FNTB: variants seen among roughly 807,000 people sequenced by gnomAD.
FNTB encodes protein farnesyltransferase subunit beta.
In FNTB, 27 loss-of-function variants were observed where a neutral mutation model predicts 59.4. That is an observed-to-expected ratio of 0.45 (90% CI 0.34 to 0.63). The LOEUF (loss-of-function observed/expected upper bound fraction) is 0.63, where lower values mean the gene tolerates loss of function less well. FNTB is among the 20% of genes least tolerant of loss of function. FNTB has a pLI of 0.02. For synonymous variants in FNTB, 230 were observed against 220.7 expected (o/e 1.04, Z -0.37); for missense variants, 449 against 559.6 (o/e 0.80, Z 1.99).
At chr14:65,046,653 G>A (rs1213473301) in intron 9 of FNTB, among the ~76,000 whole-genome samples, 1 of 152,212 alleles carries the variant, frequency 6.6e-6, no homozygotes, top group Non-Finnish European at 1.5e-5. Context: ...ACAGACAGGA[G>A]TCTGTAAAGA....
At chr14:65,051,456 C>T (rs571470855) in intron 9 of FNTB, among the ~76,000 whole-genome samples, 13 of 151,982 alleles carry the variant, frequency 8.6e-5, no homozygotes, top group African/African-American at 2.9e-4. Flanking sequence ...ACTAAAAATA[C>T]AAGAATTAGC....
At chr14:65,013,467 G>T (rs2061716741) in intron 3 of FNTB, among the ~76,000 whole-genome samples, 1 of 152,032 alleles carries the variant, frequency 6.6e-6, no homozygotes, top group Non-Finnish European at 1.5e-5. Context: ...TTCAATCCTT[G>T]ACTCAAGTCC....
chr14:65,040,031 A>G (rs1339253528), intron 7 of FNTB, among the ~76,000 whole-genome samples: 1 of 152,076 alleles, frequency 6.6e-6, no homozygotes, highest in Non-Finnish European at 1.5e-5. Flanking sequence ...TCTACAAAAA[A>G]TACAAAAAAT....
At position 65,011,298 on chromosome 14, in the gene FNTB, A is replaced by G. The variant is rs1047203021; in HGVS notation, c.210-1019A>G. Reference sequence around the variant, plus strand: ...ACAAAAATTAGCTGGGTGTGGTGGCACGTGCCTGTAATCCCAGCTACTCAG... The same window carrying G: ...ACAAAAATTAGCTGGGTGTGGTGGCGCGTGCCTGTAATCCCAGCTACTCAG... On this transcript the variant is annotated intron_variant, in intron 2 of 11. Transcript: ENST00000246166. This position sits in a 1 kb window ranked among gnomAD's most constrained non-coding sequence, Gnocchi z 4.0. Among the ~76,000 whole-genome samples the G allele has an allele frequency of 5.9e-5, 9 of 152,112 alleles. No homozygotes were observed. Among genetic ancestry groups the G allele is most frequent in the African/African-American group, 2.2e-4 (9 of 41,436 alleles).
intron 1 of FNTB, among the ~76,000 whole-genome samples, chr14:64,989,901 G>A (rs1344736717): frequency 6.6e-6 from 1 of 152,128 alleles, no homozygotes; most frequent in Admixed American, 6.5e-5. Context: ...AACACCTTGG[G>A]ATAGAGGGGA....
In FNTB at chr14:65,054,774, C is replaced by T; in HGVS notation, c.1182+85C>T. ...TTCCAAGTAAGCAGAACTGGCTCTG[C>T]ATTTCCTGTGTGGACAGGCGGAAGC... On this transcript the variant is annotated intron_variant, in intron 11 of 11. Coordinates refer to ENST00000246166, the MANE Select transcript of FNTB (RefSeq NM_002028.4). This position sits in a 1 kb window ranked among gnomAD's most constrained non-coding sequence, Gnocchi z 4.4. 1.4e-6 allele frequency: 2 copies of T among 1,424,294 alleles called. No homozygotes were observed. The highest frequency in any genetic ancestry group is 9.6e-7 in the Non-Finnish European group (1 of 1,040,330). 88.2% of individuals were successfully genotyped at this position (1,424,294 alleles called of 1,614,324 possible). A position where few individuals can be genotyped will look rare whatever the true frequency, so the allele number is the denominator to read the frequency against.
Position 65,015,636 on chromosome 14 carries a change from C to T in FNTB, c.294C>T (p.Ala98=), listed in dbSNP as rs1464253967. The T allele has an allele frequency of 6.2e-7, 1 of 1,613,966 alleles. No individual in the cohort carries two copies. Among genetic ancestry groups the T allele is most frequent in the African/African-American group, 1.3e-5 (1 of 74,902 alleles). The change falls in exon 4 of 12, where the codon GCC becomes GCT. Residue 98 remains alanine (A), a synonymous_variant. Coordinates refer to ENST00000246166, the MANE Select transcript of FNTB (RefSeq NM_002028.4). ...QLTDAYECLD[A]SRPWLCYWIL... The stretch of plus-strand genomic sequence containing the variant: ...TGTCTCTCTCCCAGTGTCTGGATGC[C>T]AGCCGCCCATGGCTCTGCTATTGGA...
chr14:64,988,957 T>C (rs1888067850), intron 1 of FNTB, among the ~76,000 whole-genome samples: 1 of 152,134 alleles, frequency 6.6e-6, no homozygotes, highest in Admixed American at 6.5e-5. Context: ...GCTCTCCATA[T>C]GTGGTATCAT....
At chr14:65,004,534 C>T (rs2061552175) in intron 2 of FNTB, among the ~76,000 whole-genome samples, 1 of 152,220 alleles carries the variant, frequency 6.6e-6, no homozygotes, top group East Asian at 1.9e-4. Context: ...CCAGGTGTTA[C>T]ATGGGGATTC....
chr14:64,986,903 T>C lies in FNTB; in HGVS notation c.-51T>C. 2 of 1,608,152 alleles carry C rather than the reference T, an allele frequency of 1.2e-6. No homozygotes were observed. The highest frequency in any genetic ancestry group is 1.7e-6 in the Non-Finnish European group (2 of 1,174,886). On this transcript the variant is annotated 5_prime_UTR_variant, in exon 1 of 12. Transcript: ENST00000246166. ...TAGCCCGCTCGAGTTTCAATGCGCGTTGTTGCTTAACGAAGCAGAGTCCTA... is the reference window on the plus strand; with the variant it reads ...TAGCCCGCTCGAGTTTCAATGCGCGCTGTTGCTTAACGAAGCAGAGTCCTA...
Position 65,047,610 on chromosome 14 carries a change from T to A in FNTB, c.955+3167T>A, listed in dbSNP as rs911051205. Among the ~76,000 whole-genome samples, 1 of 152,162 alleles carries A rather than the reference T, an allele frequency of 6.6e-6. No homozygotes were observed. The highest frequency in any genetic ancestry group is 2.4e-5 in the African/African-American group (1 of 41,438). On this transcript the variant is annotated intron_variant, in intron 9 of 11. Transcript: ENST00000246166. This position sits in a 1 kb window ranked among gnomAD's most constrained non-coding sequence, Gnocchi z 5.2. ...TTTTTTGGAGGGCAGTTTGGAGACA[T>A]CCATTTAAATTATAAGGGCACTTAC... is the stretch of plus-strand genomic sequence containing the variant.
rs1165060965 is a variant in FNTB, at chr14:64,990,828, A to G, written c.144+3731A>G. Among the ~76,000 whole-genome samples the G allele has an allele frequency of 6.6e-6, 1 of 152,108 alleles. No homozygotes were observed. Among genetic ancestry groups the G allele is most frequent in the East Asian group, 1.9e-4 (1 of 5,190 alleles). On this transcript the variant is annotated intron_variant, in intron 1 of 11. Transcript: ENST00000246166. The surrounding 1 kb of genome is among the most constrained non-coding windows in gnomAD (Gnocchi z 5.2). ...AGGCTATTGCAGTATCCTGGGAGAG[A>G]GGTGACGGTGGCTTAGCTCACAGTG...
chr14:65,032,585 G>C lies in FNTB; in HGVS notation c.606-25G>C. On this transcript the variant is annotated intron_variant, in intron 6 of 11. Transcript: ENST00000246166. The surrounding 1 kb of genome is among the most constrained non-coding windows in gnomAD (Gnocchi z 5.0). ...CATTAGCTCTTCCGTAGAGCTTAATGTGTTTCCCGTTTCTGTCTTTCCAGA... is the reference window on the plus strand; with the variant it reads ...CATTAGCTCTTCCGTAGAGCTTAATCTGTTTCCCGTTTCTGTCTTTCCAGA... 1 of 1,611,532 alleles carries C rather than the reference G, an allele frequency of 6.2e-7. No homozygotes were observed. The highest frequency in any genetic ancestry group is 8.5e-7 in the Non-Finnish European group (1 of 1,179,494).
intron 7 of FNTB, among the ~76,000 whole-genome samples, chr14:65,034,016 C>T (rs1170117924): frequency 1.1e-4 from 16 of 152,070 alleles, no homozygotes; most frequent in Non-Finnish European, 1.5e-5. Flanking sequence ...ATGCTGAGAT[C>T]ATGTTTACTT....
chr14:65,048,376 A>C (rs1377310610), intron 9 of FNTB, among the ~76,000 whole-genome samples: 1 of 152,196 alleles, frequency 6.6e-6, no homozygotes, highest in Non-Finnish European at 1.5e-5. Flanking sequence ...TAAATGTACA[A>C]ATACATTTTT....
Position 65,029,417 on chromosome 14 carries a change from A to G in FNTB, c.605+1636A>G. On this transcript the variant is annotated intron_variant, in intron 6 of 11. Coordinates refer to ENST00000246166, the MANE Select transcript of FNTB (RefSeq NM_002028.4). This position sits in a 1 kb window ranked among gnomAD's most constrained non-coding sequence, Gnocchi z 4.7. ...GAGACTAGCTCGCTGCCCTTCTGGG[A>G]TAGACAGCAGTCTCTGGATGATCTT... Among the ~76,000 whole-genome samples the G allele has an allele frequency of 6.6e-6, 1 of 152,204 alleles. No individual in the cohort carries two copies. Among genetic ancestry groups the G allele is most frequent in the Admixed American group, 6.5e-5 (1 of 15,278 alleles).
intron 4 of FNTB, 93 bp downstream of exon 4, chr14:65,015,809 GA>G: frequency 2.1e-6 from 3 of 1,398,224 alleles, no homozygotes; most frequent in South Asian, 2.5e-5. Context: ...GTTTGGAATG[GA>G]AAAAAACAGT....
rs951047779 is a variant in FNTB, at chr14:65,027,708, C to A, written c.532C>A (p.Leu178Ile). 6.2e-7 allele frequency: 1 copy of A among 1,614,094 alleles called. No individual in the cohort carries two copies. Among genetic ancestry groups the A allele is most frequent in the Admixed American group, 1.7e-5 (1 of 60,006 alleles). ...TTCCCTGTTTCTCAGAGAGAAGCTT[C>A]TTCAGTATTTGTACTCCCTGAAGCA... ...AYDIINREKLLQYLYSLKQPD... is the reference protein window; with the variant it reads ...AYDIINREKLIQYLYSLKQPD... The change falls in exon 6 of 12, where the codon CTT becomes ATT. Residue 178 changes from leucine (L) to isoleucine (I), a missense_variant. By Grantham distance (5) the Leu-to-Ile change is conservative (BLOSUM62 2). Transcript: ENST00000246166. The surrounding 1 kb of genome is among the most constrained non-coding windows in gnomAD (Gnocchi z 5.7).
rs1273489990 is a variant in FNTB, at chr14:65,029,260, G to A, written c.605+1479G>A. 2.0e-5 allele frequency among the ~76,000 whole-genome samples: 3 copies of A among 152,158 alleles called. No individual in the cohort carries two copies. Among genetic ancestry groups the A allele is most frequent in the Non-Finnish European group, 4.4e-5 (3 of 68,026 alleles). The stretch of plus-strand genomic sequence containing the variant: ...TGCTTTGCCTGGTTTCTAGTACCCC[G>A]ATTCCATCATTTTTCACTTGGCATT... On this transcript the variant is annotated intron_variant, in intron 6 of 11. Coordinates refer to ENST00000246166, the MANE Select transcript of FNTB (RefSeq NM_002028.4). The surrounding 1 kb of genome is among the most constrained non-coding windows in gnomAD (Gnocchi z 4.7).
Sources: gnomAD v4.1 joint callset for allele counts (sites outside exome capture counted in the v4.1 genomes callset) on GRCh38, gnomAD v4.1.1 for gene constraint, Gnocchi (gnomAD v3.1) non-coding constraint, MANE v1.5 for transcripts, NCBI Gene and HGNC (gene_info 2026-07-23, HGNC 2026-07-21) for gene names.